The following GNB1 variants were observed in gnomAD, a reference collection of about 807,000 sequenced individuals.
GNB1 encodes the protein G protein subunit beta 1.
Under a neutral mutation model 42.9 loss-of-function variants are expected in GNB1, and 2 were observed. The observed-to-expected ratio is 0.05, with a 90% CI of 0.02 to 0.15. The LOEUF (loss-of-function observed/expected upper bound fraction) is 0.15, where lower values mean the gene tolerates loss of function less well. Among genes scored for constraint, GNB1 ranks in the 10% least tolerant of loss-of-function variants. The pLI, the probability that GNB1 is intolerant of heterozygous loss-of-function variation, is 1.00. For missense variants in GNB1, 193 were observed against 462.2 expected, an observed-to-expected ratio of 0.42 and a Z score of 5.34; for synonymous variants, 183 against 174.7, an observed-to-expected ratio of 1.05 and a Z score of -0.38.
chr1:1,855,297 G>A (rs1386799092), intron 1 of GNB1, among the ~76,000 whole-genome samples: 7 of 150,216 alleles, frequency 4.7e-5, no homozygotes, highest in African/African-American at 1.5e-4. Context: ...ACTCCAGCCT[G>A]GGTGACACAG....
At chr1:1,855,687 C>CAG (rs1218733984) in intron 1 of GNB1, among the ~76,000 whole-genome samples, 1 of 151,310 alleles carries the variant, frequency 6.6e-6, no homozygotes, top group Non-Finnish European at 1.5e-5. Flanking sequence ...GCCTGGGTGA[C>CAG]AGCGAGACTC....
intron 1 of GNB1, among the ~76,000 whole-genome samples, chr1:1,868,314 T>C (rs1281702880): frequency 6.6e-6 from 1 of 152,178 alleles, no homozygotes; most frequent in Non-Finnish European, 1.5e-5. Flanking sequence ...TAGCTGGGAT[T>C]ACAGGCATGA....
chr1:1,825,586 T>G (rs553076477), intron 2 of GNB1, 87 bp from the exon 3 acceptor site: 1 of 765,530 alleles, frequency 1.3e-6, no homozygotes, highest in African/African-American at 1.7e-5. Context: ...AAGTTTAAGG[T>G]GGGCGTGGTG....
intron 1 of GNB1, among the ~76,000 whole-genome samples, chr1:1,876,726 G>A (rs938278055): frequency 6.6e-6 from 1 of 152,158 alleles, no homozygotes; most frequent in Non-Finnish European, 1.5e-5. Context: ...TAGCGGTACT[G>A]GAAGCTAACA....
At chr1:1,836,856 CTTTTTTTT>C (rs35131919) in intron 2 of GNB1, among the ~76,000 whole-genome samples, 2 of 120,168 alleles carry the variant, frequency 1.7e-5, no homozygotes, top group African/African-American at 6.3e-5. Context: ...CGACTGCTAA[CTTTTTTTT>C]TTTTTTTTTT....
intron 1 of GNB1, among the ~76,000 whole-genome samples, chr1:1,859,880 A>T (rs1648523699): frequency 6.6e-6 from 1 of 150,644 alleles, no homozygotes; most frequent in Non-Finnish European, 1.5e-5. Context: ...TAAGGAAGGG[A>T]TCCATTTTCA....
intron 5 of GNB1, among the ~76,000 whole-genome samples, chr1:1,809,189 A>ATTT (rs34549355): frequency 1.5e-4 from 14 of 92,682 alleles, no homozygotes; most frequent in South Asian, 6.3e-4. Context: ...TTCAGATGCA[A>ATTT]TTTTTTTTTT....
In GNB1 at chr1:1,856,295, T is replaced by G. The variant is rs12078176; in HGVS notation, c.-95-17057A>C. On this transcript the variant is annotated intron_variant, in intron 1 of 11. Transcript: ENST00000378609. ...CCACAACCTCCTGAATAGGGCTTTCTTTTTTTAAATTAGAGATGGGGTCTC... is the reference window on the plus strand; with the variant it reads ...CCACAACCTCCTGAATAGGGCTTTCGTTTTTTAAATTAGAGATGGGGTCTC... Among the ~76,000 whole-genome samples, 465 of 152,278 alleles carry G rather than the reference T, an allele frequency of 3.1e-3. 5 individuals carry two copies. The highest frequency in any genetic ancestry group is 0.01 in the African/African-American group (422 of 41,558).
At chr1:1,852,059 A>G (rs1228475992) in intron 1 of GNB1, among the ~76,000 whole-genome samples, 1 of 152,030 alleles carries the variant, frequency 6.6e-6, no homozygotes, top group African/African-American at 2.4e-5. Flanking sequence ...AAATAAATAA[A>G]GAGACATTCA....
At chr1:1,879,566 G>A (rs765978394) in intron 1 of GNB1, among the ~76,000 whole-genome samples, 9 of 151,946 alleles carry the variant, frequency 5.9e-5, no homozygotes, top group African/African-American at 1.7e-4. Context: ...TTAGCCAGGC[G>A]TGGTGGCAGG....
Position 1,856,434 on chromosome 1 carries a change from T to C in GNB1, c.-95-17196A>G, listed in dbSNP as rs898109239. Among the ~76,000 whole-genome samples, 34 of 151,960 alleles carry C rather than the reference T, an allele frequency of 2.2e-4. 1 individual carries two copies. The highest frequency in any genetic ancestry group is 2.6e-4 in the Non-Finnish European group (18 of 67,982). ...CCACTGCACTGGCCCGGAATTTCTT[T>C]CTTTCTTTTTTTGAGACAGAGTCTC... is the stretch of plus-strand genomic sequence containing the variant. On this transcript the variant is annotated intron_variant, in intron 1 of 11. Transcript: ENST00000378609.
intron 8 of GNB1, among the ~76,000 whole-genome samples, chr1:1,792,872 C>A (rs1283727392): frequency 6.6e-6 from 1 of 151,956 alleles, no homozygotes; most frequent in Admixed American, 6.6e-5. Flanking sequence ...TCAGGACCAG[C>A]CTGGCCAATG....
intron 1 of GNB1, chr1:1,890,359 G>C (rs1466643676): frequency 1.3e-5 from 2 of 150,878 alleles, no homozygotes; most frequent in African/African-American, 2.4e-5. Context: ...GGCCCTCAAA[G>C]TCACCCCGAT....
chr1:1,786,163 AC>A lies in GNB1; in HGVS notation c.*899del. The A allele has an allele frequency of 2.5e-6, 1 of 398,504 alleles. No homozygotes were observed. The allele number at this position is 398,504 out of a possible 1,614,324, so 24.7% of individuals were successfully genotyped here. On this transcript the variant is annotated 3_prime_UTR_variant, in exon 12 of 12. Coordinates refer to ENST00000378609, the MANE Select transcript of GNB1 (RefSeq NM_002074.5). ...AATTGACTGACTATCCAAGCACAGG[AC>A]AGGCATCTCTCTTGAAAACAGAGGT...
In GNB1 at chr1:1,836,389, T is replaced by C. The variant is rs1211851515; in HGVS notation, c.-47+2801A>G. Among the ~76,000 whole-genome samples, 11 of 9,252 alleles carry C rather than the reference T, an allele frequency of 1.2e-3. No individual in the cohort carries two copies. In the Non-Finnish European group the frequency reaches 0.019, roughly 16 times the overall value. The allele number at this position is 9,252 out of a possible 152,430, so 6.1% of individuals were successfully genotyped here. On this transcript the variant is annotated intron_variant, in intron 2 of 11. Coordinates refer to ENST00000378609, the MANE Select transcript of GNB1 (RefSeq NM_002074.5). ...GGTTACCTGTTTTCTTAATATTGCT[T>C]TTTTTTTTTTTTTTTTTTTTGACAC...
At chr1:1,803,344 T>A (rs1162098721) in intron 7 of GNB1, among the ~76,000 whole-genome samples, 1 of 152,234 alleles carries the variant, frequency 6.6e-6, no homozygotes, top group Non-Finnish European at 1.5e-5. Flanking sequence ...TCGCCCAGCC[T>A]GGAGTGCAGT....
chr1:1,844,764 G>A (rs1359453544), intron 1 of GNB1, among the ~76,000 whole-genome samples: 1 of 152,192 alleles, frequency 6.6e-6, no homozygotes, highest in Non-Finnish European at 1.5e-5. Context: ...CATTCAGGGT[G>A]AGCAGTCTTA....
At chr1:1,814,935 A>AC (rs1646831887) in intron 5 of GNB1, among the ~76,000 whole-genome samples, 1 of 151,828 alleles carries the variant, frequency 6.6e-6, no homozygotes, top group Non-Finnish European at 1.5e-5. Flanking sequence ...ACATGGTGAA[A>AC]CCCCATCTCT....
intron 2 of GNB1, among the ~76,000 whole-genome samples, chr1:1,827,551 C>A (rs887738400): frequency 3.9e-5 from 6 of 152,208 alleles, no homozygotes; most frequent in African/African-American, 1.4e-4. Flanking sequence ...CTGGTTAATT[C>A]TTTCCCTGGT....
Sources: allele counts gnomAD v4.1 joint callset (sites outside exome capture counted in the v4.1 genomes callset), GRCh38; gene constraint gnomAD v4.1.1; transcripts MANE v1.5; gene names NCBI Gene and HGNC (gene_info 2026-07-23, HGNC 2026-07-21).